Variants in SYN3 observed in about 807,000 individuals in gnomAD.
The protein encoded by SYN3 is synapsin-3.
A neutral mutation model predicts 65.8 loss-of-function variants in SYN3; 35 were observed. The ratio of observed to expected loss-of-function variants is 0.53; its 90% CI spans 0.41 to 0.70. SYN3 has a LOEUF of 0.70. Ranked by LOEUF, SYN3 falls within the 30% of genes least tolerant of loss-of-function variation. The probability of loss-of-function intolerance (pLI) is 0.00; values close to 1 mark genes in which losing one functional copy is unlikely to be tolerated. For missense variants in SYN3, 680 were observed against 749.0 expected (o/e 0.91, Z 1.08); for synonymous variants, 270 against 292.9 (o/e 0.92, Z 0.80).
chr22:32,847,264 C>T (rs375451880), intron 6 of SYN3, among the ~76,000 whole-genome samples: 74 of 152,250 alleles, frequency 4.9e-4, no homozygotes, highest in African/African-American at 1.8e-3. Context: ...CCGGGGCCTC[C>T]GGGAGGCTGG....
chr22:32,993,833 C>G (rs902144871), intron 2 of SYN3, among the ~76,000 whole-genome samples: 4 of 152,196 alleles, frequency 2.6e-5, no homozygotes, highest in Non-Finnish European at 5.9e-5. Context: ...CAAGACCCCA[C>G]AGCATCTGCA....
At chr22:32,626,446 T>A (rs376951317) in intron 6 of SYN3, among the ~76,000 whole-genome samples, 4 of 151,972 alleles carry the variant, frequency 2.6e-5, no homozygotes, top group African/African-American at 9.7e-5. Flanking sequence ...GGGGTTAGAG[T>A]AAGGCAGGGA....
At chr22:32,981,122 T>C (rs1253539957) in intron 2 of SYN3, among the ~76,000 whole-genome samples, 1 of 151,180 alleles carries the variant, frequency 6.6e-6, no homozygotes. Flanking sequence ...CCCAAAGTGC[T>C]GGGATTACAG....
intron 7 of SYN3, among the ~76,000 whole-genome samples, chr22:32,552,649 A>T (rs1019665816): frequency 6.6e-6 from 1 of 152,186 alleles, no homozygotes; most frequent in Admixed American, 6.5e-5. Context: ...TGAAGAAAAG[A>T]AACTTTGATC....
chr22:32,807,386 T>TAA (rs1555968148), intron 6 of SYN3, among the ~76,000 whole-genome samples: 3 of 104,300 alleles, frequency 2.9e-5, no homozygotes, highest in Non-Finnish European at 5.6e-5. Flanking sequence ...ATAATATATA[T>TAA]TATATATAAT....
chr22:32,627,812 T>G (rs2059689802), intron 6 of SYN3, among the ~76,000 whole-genome samples: 1 of 98,530 alleles, frequency 1.0e-5, no homozygotes, highest in South Asian at 2.6e-4. Context: ...CAGAGGAGCA[T>G]TTTTTTTGTT....
At chr22:32,995,165 C>G (rs1601866451) in intron 2 of SYN3, among the ~76,000 whole-genome samples, 1 of 152,306 alleles carries the variant, frequency 6.6e-6, no homozygotes, top group Admixed American at 6.5e-5. Flanking sequence ...GAAAGCTGCT[C>G]TCTGAGAATG....
rs1392609140 is a variant in SYN3, at chr22:32,920,270, C to T, written c.461+11120G>A. On this transcript the variant is annotated intron_variant, in intron 4 of 13. Coordinates refer to ENST00000358763, the MANE Select transcript of SYN3 (RefSeq NM_003490.4). ...TCTGCCTCCTCGGGTGTTTTTCATT[C>T]TTGGTTTCTCCTGCCCTGTATTTGC... is the stretch of plus-strand genomic sequence containing the variant. 2.6e-5 allele frequency among the ~76,000 whole-genome samples: 4 copies of T among 152,328 alleles called. No homozygotes were observed. The East Asian group carries it at 7.7e-4, about 29-fold the overall frequency.
At chr22:32,604,607 C>CCG (rs2059340509) in intron 6 of SYN3, among the ~76,000 whole-genome samples, 6 of 152,078 alleles carry the variant, frequency 3.9e-5, no homozygotes, top group Admixed American at 6.6e-5. Flanking sequence ...AAATTCTGTC[C>CCG]CTGAAAAGCC....
intron 6 of SYN3, among the ~76,000 whole-genome samples, chr22:32,773,712 G>A (rs1279245878): frequency 6.6e-6 from 1 of 152,154 alleles, no homozygotes; most frequent in Non-Finnish European, 1.5e-5. Context: ...GGGCCTTGAG[G>A]ACAGTGTCTG....
chr22:32,757,447 G>A (rs1301803233), intron 6 of SYN3, among the ~76,000 whole-genome samples: 2 of 151,996 alleles, frequency 1.3e-5, no homozygotes, highest in East Asian at 1.9e-4. Flanking sequence ...ACAGCGGTGC[G>A]CCACCACGCC....
At chr22:32,918,417 T>C (rs559029085) in intron 4 of SYN3, among the ~76,000 whole-genome samples, 5 of 152,338 alleles carry the variant, frequency 3.3e-5, no homozygotes, top group African/African-American at 1.2e-4. Context: ...TGATATGTGA[T>C]ATGGGAATAT....
At chr22:32,937,505 G>T (rs533289547) in intron 3 of SYN3, among the ~76,000 whole-genome samples, 1 of 152,214 alleles carries the variant, frequency 6.6e-6, no homozygotes, top group East Asian at 1.9e-4. Flanking sequence ...ATGGTGGAAG[G>T]CCAAGGGGGA....
chr22:32,910,397 C>G (rs2050021377), intron 4 of SYN3, among the ~76,000 whole-genome samples: 1 of 152,096 alleles, frequency 6.6e-6, no homozygotes, highest in Non-Finnish European at 1.5e-5. Flanking sequence ...CTCTGTGGAA[C>G]AGGGTTCGAG....
rs1214203332 is a variant in SYN3 at position 32,743,456 on chromosome 22, G to A, written c.711+121459C>T. Among the ~76,000 whole-genome samples the A allele has an allele frequency of 2.0e-5, 3 of 152,326 alleles. No individual in the cohort carries two copies. In the East Asian group the frequency reaches 5.8e-4, roughly 29 times the overall value. On this transcript the variant is annotated intron_variant, in intron 6 of 13. Transcript: ENST00000358763. ...ACACAGAGGAAGGAAAGAAAGGTTG[G>A]AGACAGAGGAGAGGGAGGGAGCATT...
intron 1 of SYN3, among the ~76,000 whole-genome samples, chr22:33,026,482 T>C (rs2145878515): frequency 6.6e-6 from 1 of 152,302 alleles, no homozygotes; most frequent in South Asian, 2.1e-4. Context: ...CCCTGGGCTG[T>C]TGCATTATCT....
intron 2 of SYN3, among the ~76,000 whole-genome samples, chr22:32,984,161 CAAAAAAA>C (rs35678412): frequency 1.8e-3 from 163 of 92,996 alleles, no homozygotes; most frequent in African/African-American, 4.0e-3. Flanking sequence ...AAACTCCATC[CAAAAAAA>C]AAAAAAAAAA....
intron 6 of SYN3, among the ~76,000 whole-genome samples, chr22:32,785,185 G>C (rs1051299379): frequency 3.3e-5 from 5 of 152,076 alleles, no homozygotes; most frequent in Admixed American, 3.3e-4. Flanking sequence ...GGGGTCAGTC[G>C]GTGCAGCTCT....
chr22:32,815,098 A>C (rs887107842), intron 6 of SYN3, among the ~76,000 whole-genome samples: 13 of 152,236 alleles, frequency 8.5e-5, no homozygotes, highest in Non-Finnish European at 1.0e-4. Context: ...AGTGGCCGCC[A>C]TGTTAATACT....
Sources: allele counts gnomAD v4.1 joint callset (sites outside exome capture counted in the v4.1 genomes callset), GRCh38; gene constraint gnomAD v4.1.1; transcripts MANE v1.5; gene names NCBI Gene and HGNC (gene_info 2026-07-23, HGNC 2026-07-21).